The following SLC35H1 variants were observed in gnomAD, a reference collection of about 807,000 sequenced individuals.
The protein encoded by SLC35H1 is solute carrier family 35 member H1, also known as ovarian cancer-overexpressed gene 1 protein.
At chr20:46,356,682 C>T in the SLC35H1 span, 4 of 1,590,842 alleles carry the variant, frequency 2.5e-6, no homozygotes, top group Admixed American at 1.7e-5. Flanking sequence ...GAGGTCCACA[C>T]TCTGCTGGGG....
At chr20:46,355,052 G>A in the SLC35H1 span, 2 of 1,613,952 alleles carry the variant, frequency 1.2e-6, no homozygotes, top group Admixed American at 3.3e-5. The surrounding 1 kb of genome is among the most constrained non-coding windows in gnomAD (Gnocchi z 4.8). Flanking sequence ...TCTCTCTGGA[G>A]GATGAGTGGC....
the SLC35H1 span, among the ~76,000 whole-genome samples, chr20:46,353,936 C>T: frequency 5.3e-5 from 8 of 152,094 alleles, no homozygotes; most frequent in Non-Finnish European, 1.2e-4. Context: ...AGGTTCAAGA[C>T]GCTTCACTGC....
At chr20:46,349,949 A>C in the SLC35H1 span, 1 of 152,892 alleles carries the variant, frequency 6.5e-6, no homozygotes, top group South Asian at 2.1e-4. Flanking sequence ...CGGCCAGTGG[A>C]CCGTGAACCA....
chr20:46,359,734 G>A, the SLC35H1 span, among the ~76,000 whole-genome samples: 3 of 152,204 alleles, frequency 2.0e-5, no homozygotes, highest in Non-Finnish European at 4.4e-5. Flanking sequence ...GTTATGTGAT[G>A]ATACCTGCTG....
chr20:46,351,461 A>C, the SLC35H1 span, among the ~76,000 whole-genome samples: 2 of 152,142 alleles, frequency 1.3e-5, no homozygotes, highest in African/African-American at 4.8e-5. Flanking sequence ...CAAAGAGAAA[A>C]GTCCCTCCCT....
chr20:46,352,426 A>C, the SLC35H1 span: 1 of 582,700 alleles, frequency 1.7e-6, no homozygotes, highest in Non-Finnish European at 3.0e-6. Flanking sequence ...CCAGGGAAGC[A>C]GTGATGGCTG....
the SLC35H1 span, chr20:46,352,664 CGAT>C: frequency 0.036 from 338 of 9,458 alleles, 22 homozygotes; most frequent in African/African-American, 0.26. Context: ...AGCGGGATGA[CGAT>C]GGGATCCTAG....
At chr20:46,347,730 G>C in the SLC35H1 span, 6 of 148,838 alleles carry the variant, frequency 4.0e-5, no homozygotes, top group African/African-American at 1.2e-4. Context: ...GGCAGAAAAG[G>C]GTACCGGAGT....
chr20:46,356,723 C>T, the SLC35H1 span: 8 of 1,332,374 alleles, frequency 6.0e-6, no homozygotes, highest in Non-Finnish European at 4.2e-6. Context: ...CCTGAGTGTC[C>T]CCCACTTCTG....
the SLC35H1 span, among the ~76,000 whole-genome samples, chr20:46,357,150 G>C: frequency 6.6e-6 from 1 of 152,194 alleles, no homozygotes; most frequent in Admixed American, 6.5e-5. Context: ...CTCCTCCCAG[G>C]GCCAACCAGT....
At chr20:46,353,696 A>G in the SLC35H1 span, among the ~76,000 whole-genome samples, 19,753 of 152,060 alleles carry the variant, frequency 0.13, 1,450 homozygotes, top group East Asian at 0.32. Context: ...AGAAAAGATT[A>G]AAGGAGCTAA....
chr20:46,350,324 G>A, the SLC35H1 span: 25 of 1,517,234 alleles, frequency 1.6e-5, no homozygotes, highest in South Asian at 2.6e-5. Flanking sequence ...GAGCCCTGGC[G>A]GCTTGAGCAC....
the SLC35H1 span, chr20:46,352,118 CCCAAA>C: frequency 1.9e-6 from 3 of 1,614,196 alleles, no homozygotes; most frequent in Non-Finnish European, 1.7e-6. Flanking sequence ...CTCAGAGAAG[CCCAAA>C]CCAAAGGCGA....
chr20:46,360,970 T>C, the SLC35H1 span, among the ~76,000 whole-genome samples: 1 of 152,258 alleles, frequency 6.6e-6, no homozygotes, highest in African/African-American at 2.4e-5. Flanking sequence ...TCAGATCCAA[T>C]GAGTTGAGAC....
chr20:46,364,378 C>G, the SLC35H1 span: 3 of 152,284 alleles, frequency 2.0e-5, 1 homozygote, highest in Non-Finnish European at 4.4e-5. Context: ...CACCTCGGCC[C>G]TGGGAGCTCC....
the SLC35H1 span, among the ~76,000 whole-genome samples, chr20:46,360,539 A>C: frequency 4.4e-5 from 4 of 90,866 alleles, no homozygotes; most frequent in Admixed American, 1.4e-4. Flanking sequence ...ATGGTTATTT[A>C]TATTTTATTT....
the SLC35H1 span, chr20:46,355,384 T>C: frequency 2.3e-6 from 2 of 862,336 alleles, no homozygotes; most frequent in Non-Finnish European, 3.5e-6. This position sits in a 1 kb window ranked among gnomAD's most constrained non-coding sequence, Gnocchi z 4.8. Context: ...TCCCAGGGGG[T>C]CCTGGACAGT....
At chr20:46,347,452 G>A in the SLC35H1 span, 1 of 152,388 alleles carries the variant, frequency 6.6e-6, no homozygotes, top group East Asian at 1.9e-4. Context: ...CTGGGAGGAA[G>A]GCTGACTCCA....
At chr20:46,352,375 T>A in the SLC35H1 span, 1 of 704,812 alleles carries the variant, frequency 1.4e-6, no homozygotes, top group Non-Finnish European at 2.3e-6. Context: ...GCATGGAAGG[T>A]ATAAAGTGAT....
Sources: gnomAD v4.1 joint callset for allele counts (sites outside exome capture counted in the v4.1 genomes callset) on GRCh38, gnomAD v4.1.1 for gene constraint, Gnocchi (gnomAD v3.1) non-coding constraint, MANE v1.5 for transcripts, NCBI Gene and HGNC (gene_info 2026-07-23, HGNC 2026-07-21) for gene names.